Variants in SAMTOR observed in about 807,000 individuals in gnomAD.
SAMTOR encodes UPF0532 protein C7orf60.
At chr7:112,890,351 A>G in the SAMTOR span, among the ~76,000 whole-genome samples, 1 of 152,074 alleles carries the variant, frequency 6.6e-6, no homozygotes, top group Non-Finnish European at 1.5e-5. Flanking sequence ...AAATCAGCCT[A>G]AAAAATAACA....
the SAMTOR span, among the ~76,000 whole-genome samples, chr7:112,922,919 C>T: frequency 5.7e-4 from 85 of 148,724 alleles, 1 homozygote; most frequent in Non-Finnish European, 9.8e-4. Flanking sequence ...CCGCCCCATC[C>T]GTCCCTACTG....
chr7:112,884,033 C>T, the SAMTOR span, among the ~76,000 whole-genome samples: 1 of 152,190 alleles, frequency 6.6e-6, no homozygotes, highest in African/African-American at 2.4e-5. Context: ...CGTCCTTCCT[C>T]ACATGGTGGC....
At chr7:112,852,055 A>C in the SAMTOR span, among the ~76,000 whole-genome samples, 2 of 152,104 alleles carry the variant, frequency 1.3e-5, no homozygotes, top group Non-Finnish European at 2.9e-5. Context: ...CTCTATGGAA[A>C]ATGGTGAACT....
the SAMTOR span, among the ~76,000 whole-genome samples, chr7:112,850,609 T>C: frequency 6.6e-6 from 1 of 152,204 alleles, no homozygotes; most frequent in Admixed American, 6.5e-5. Flanking sequence ...GGATTTCTGA[T>C]TCTTCCTGGT....
chr7:112,846,650 A>T, the SAMTOR span, among the ~76,000 whole-genome samples: 1 of 152,328 alleles, frequency 6.6e-6, no homozygotes, highest in East Asian at 1.9e-4. Context: ...GGAATGGAGC[A>T]ACTTTCTAGG....
At chr7:112,934,224 G>C in the SAMTOR span, among the ~76,000 whole-genome samples, 1 of 151,998 alleles carries the variant, frequency 6.6e-6, no homozygotes, top group Non-Finnish European at 1.5e-5. Context: ...CTAACTACTG[G>C]TGTGTTCCAA....
chr7:112,903,443 G>GA, the SAMTOR span, among the ~76,000 whole-genome samples: 406 of 137,472 alleles, frequency 3.0e-3, 3 homozygotes, highest in East Asian at 0.02. Context: ...ATCCTGGATT[G>GA]AAAAAAAAAA....
At chr7:112,899,536 C>G in the SAMTOR span, among the ~76,000 whole-genome samples, 18 of 152,024 alleles carry the variant, frequency 1.2e-4, no homozygotes, top group Admixed American at 2.6e-4. Flanking sequence ...TAACAGTTTT[C>G]CAAACCTAGA....
the SAMTOR span, among the ~76,000 whole-genome samples, chr7:112,922,893 C>G: frequency 1.0e-4 from 14 of 140,322 alleles, 1 homozygote; most frequent in South Asian, 2.4e-4. Flanking sequence ...GGGTCAGCCC[C>G]CCCCCCCCGG....
chr7:112,856,031 T>C, the SAMTOR span, among the ~76,000 whole-genome samples: 3 of 152,158 alleles, frequency 2.0e-5, no homozygotes, highest in Non-Finnish European at 4.4e-5. Flanking sequence ...CGTGTGTGTA[T>C]ATGTGCGCAC....
At chr7:112,827,594 G>T in the SAMTOR span, among the ~76,000 whole-genome samples, 4 of 151,836 alleles carry the variant, frequency 2.6e-5, no homozygotes, top group African/African-American at 9.7e-5. Flanking sequence ...TATATAAAAT[G>T]GTATATTTGC....
chr7:112,839,456 A>G, the SAMTOR span, among the ~76,000 whole-genome samples: 4 of 151,862 alleles, frequency 2.6e-5, no homozygotes, highest in East Asian at 1.9e-4. Flanking sequence ...GTTTATGTAT[A>G]TAATTCACTC....
At chr7:112,914,157 TA>T in the SAMTOR span, among the ~76,000 whole-genome samples, 1 of 152,094 alleles carries the variant, frequency 6.6e-6, no homozygotes, top group Non-Finnish European at 1.5e-5. Flanking sequence ...AAATGAGATG[TA>T]AAAATTTTTG....
At chr7:112,903,100 G>C in the SAMTOR span, among the ~76,000 whole-genome samples, 6 of 152,090 alleles carry the variant, frequency 3.9e-5, 1 homozygote, top group South Asian at 1.2e-3. Context: ...GATCACCTGA[G>C]GTCAGGAGTT....
chr7:112,914,914 T>C, the SAMTOR span, among the ~76,000 whole-genome samples: 25 of 152,334 alleles, frequency 1.6e-4, no homozygotes, highest in East Asian at 5.8e-4. Context: ...TATTCTATTT[T>C]GGCACTATGA....
chr7:112,835,884 G>A, the SAMTOR span, among the ~76,000 whole-genome samples: 8 of 151,978 alleles, frequency 5.3e-5, no homozygotes, highest in African/African-American at 1.9e-4. Context: ...CCAGTCTACT[G>A]CTGTTGGGCA....
the SAMTOR span, among the ~76,000 whole-genome samples, chr7:112,824,295 AGTAGTT>A: frequency 6.6e-6 from 1 of 152,036 alleles, no homozygotes; most frequent in African/African-American, 2.4e-5. Context: ...GTTTTCCTTT[AGTAGTT>A]TTATAGTTTA....
the SAMTOR span, among the ~76,000 whole-genome samples, chr7:112,922,575 C>T: frequency 5.2e-4 from 78 of 150,922 alleles, no homozygotes; most frequent in Non-Finnish European, 4.1e-4. Flanking sequence ...AGCCGCCCAT[C>T]GTCTGAGATG....
chr7:112,847,440 T>C, the SAMTOR span, among the ~76,000 whole-genome samples: 1 of 152,194 alleles, frequency 6.6e-6, no homozygotes, highest in Non-Finnish European at 1.5e-5. Context: ...ATACATAAGA[T>C]AAACCTGTGT....
Sources: allele counts gnomAD v4.1 joint callset (sites outside exome capture counted in the v4.1 genomes callset), GRCh38; gene constraint gnomAD v4.1.1; transcripts MANE v1.5; gene names NCBI Gene and HGNC (gene_info 2026-07-23, HGNC 2026-07-21).